The following GTPBP1 variants were observed in gnomAD, a reference collection of about 807,000 sequenced individuals.
GTPBP1 encodes the protein GTP binding protein 1, also known as GTP-binding protein 1.
In GTPBP1, 23 loss-of-function variants were observed where a neutral mutation model predicts 62.0. That is an observed-to-expected ratio of 0.37 (90% CI 0.27 to 0.53). The LOEUF (loss-of-function observed/expected upper bound fraction) is 0.53. Ranked by LOEUF, GTPBP1 falls within the 20% of genes least tolerant of loss-of-function variation. The probability of loss-of-function intolerance (pLI) is 0.89; values close to 1 mark genes in which losing one functional copy is unlikely to be tolerated. For missense variants in GTPBP1, 640 were observed against 917.3 expected (o/e 0.70, Z 3.90); for synonymous variants, 344 against 364.4 (o/e 0.94, Z 0.64).
rs1293752106 is a variant in GTPBP1 at position 38,726,615 on chromosome 22, C to T, written c.1401+175C>T. On this transcript the variant is annotated intron_variant, in intron 8 of 11. Coordinates refer to ENST00000216044, the MANE Select transcript of GTPBP1 (RefSeq NM_004286.5). This position sits in a 1 kb window ranked among gnomAD's most constrained non-coding sequence, Gnocchi z 4.1. ...AGAGCCCAGGGACTTGCCCAAGACACACAGCTTGTAAGTGCTAGAGCGAGG... is the reference window on the plus strand; with the variant it reads ...AGAGCCCAGGGACTTGCCCAAGACATACAGCTTGTAAGTGCTAGAGCGAGG... Among the ~76,000 whole-genome samples the T allele has an allele frequency of 2.0e-5, 3 of 152,208 alleles. No homozygotes were observed. Among genetic ancestry groups the T allele is most frequent in the African/African-American group, 4.8e-5 (2 of 41,450 alleles).
chr22:38,742,337 C>T, downstream of GTPBP1: 4 of 1,609,198 alleles, frequency 2.5e-6, no homozygotes, highest in Non-Finnish European at 3.4e-6. Flanking sequence ...GGAAATCCTC[C>T]TTCAGGGCAG....
At chr22:38,717,626 G>A (rs1163998251) in intron 4 of GTPBP1, among the ~76,000 whole-genome samples, 3 of 152,188 alleles carry the variant, frequency 2.0e-5, no homozygotes, top group Admixed American at 6.5e-5. Flanking sequence ...ATTCCTGCTC[G>A]GAACATTAAA....
intron 2 of GTPBP1, among the ~76,000 whole-genome samples, chr22:38,710,907 T>C (rs1272318863): frequency 1.3e-5 from 2 of 152,014 alleles, no homozygotes; most frequent in Non-Finnish European, 2.9e-5. Flanking sequence ...AACCCACCCA[T>C]GGCAAACCCA....
downstream of GTPBP1, chr22:38,740,736 G>A (rs1395882280): frequency 1.7e-6 from 1 of 588,304 alleles, no homozygotes; most frequent in Non-Finnish European, 3.0e-6. The surrounding 1 kb of genome is among the most constrained non-coding windows in gnomAD (Gnocchi z 4.8). Flanking sequence ...AGTTATGTGA[G>A]GCTGTAAGAA....
At chr22:38,737,853 T>C (rs1392982231), downstream of GTPBP1, 1 of 550,010 alleles carries the variant, frequency 1.8e-6, no homozygotes, top group Non-Finnish European at 3.6e-6. The surrounding 1 kb of genome is among the most constrained non-coding windows in gnomAD (Gnocchi z 4.1). Context: ...CGCCCTGGCA[T>C]GTGCTGGCGG....
Position 38,726,260 on chromosome 22 carries a change from T to C in GTPBP1, c.1221T>C (p.Gly407=). The stretch of plus-strand genomic sequence containing the variant: ...GGCCAGGGTCTTCTCCTTGGCAGGG[T>C]GTGGGGACAGTGGTTTCGGGGACAA... ...FQIDDTYSVP[G]VGTVVSGTTL... The change falls in exon 8 of 12, where the codon GGT becomes GGC. Residue 407 remains glycine (G), a splice_region_variant and synonymous_variant. Coordinates refer to ENST00000216044, the MANE Select transcript of GTPBP1 (RefSeq NM_004286.5). The surrounding 1 kb of genome is among the most constrained non-coding windows in gnomAD (Gnocchi z 4.1). 1.2e-6 allele frequency: 2 copies of C among 1,613,632 alleles called. No individual in the cohort carries two copies. Among genetic ancestry groups the C allele is most frequent in the African/African-American group, 2.7e-5 (2 of 74,876 alleles).
At position 38,730,072 on chromosome 22, in the gene GTPBP1, G is replaced by A. The variant is rs1031913027; in HGVS notation, c.1917+410G>A. Among the ~76,000 whole-genome samples the A allele has an allele frequency of 6.6e-6, 1 of 152,178 alleles. No individual in the cohort carries two copies. The highest frequency in any genetic ancestry group is 1.5e-5 in the Non-Finnish European group (1 of 68,032). On this transcript the variant is annotated intron_variant, in intron 11 of 11. Coordinates refer to ENST00000216044, the MANE Select transcript of GTPBP1 (RefSeq NM_004286.5). This position sits in a 1 kb window ranked among gnomAD's most constrained non-coding sequence, Gnocchi z 5.6. ...GGTCCTCCTCTGTCCCCTCCCTGAC[G>A]TGCACACATCCTGAAGGGGAGGTGG...
chr22:38,741,012 C>A, downstream of GTPBP1: 1 of 1,595,054 alleles, frequency 6.3e-7, no homozygotes, highest in South Asian at 1.1e-5. Flanking sequence ...AGTACCTTTG[C>A]CACTCTGACT....
At chr22:38,725,694 A>C in intron 6 of GTPBP1, 3 of 311,374 alleles carry the variant, frequency 9.6e-6, no homozygotes, top group Non-Finnish European at 6.0e-6. Context: ...ATTTTAAGCA[A>C]GCATGCGTGT....
At chr22:38,722,027 T>C (rs2092703243) in intron 5 of GTPBP1, among the ~76,000 whole-genome samples, 162 bp downstream of exon 5, 1 of 152,226 alleles carries the variant, frequency 6.6e-6, no homozygotes, top group South Asian at 2.1e-4. Flanking sequence ...GTGCTCTACA[T>C]TGAACACTTC....
At chr22:38,735,878 G>T (rs1200521027), downstream of GTPBP1, 1 of 189,420 alleles carries the variant, frequency 5.3e-6, no homozygotes. Context: ...AGCTCACCTA[G>T]CCCAGGCCGT....
In GTPBP1 at chr22:38,731,344, C is replaced by T. The variant is rs1027158321; in HGVS notation, c.*640C>T. 1.3e-5 allele frequency: 2 copies of T among 152,444 alleles called. No individual in the cohort carries two copies. Among genetic ancestry groups the T allele is most frequent in the African/African-American group, 2.4e-5 (1 of 41,436 alleles). 9.4% of individuals were successfully genotyped at this position (152,444 alleles called of 1,614,324 possible). A position where few individuals can be genotyped will look rare whatever the true frequency, so the allele number is the denominator to read the frequency against. ...GTAGTGGCTTCCCTTTTCTCTCTCT[C>T]CTCCTTTTTCCCTTTAAGCCCACAG... On this transcript the variant is annotated 3_prime_UTR_variant, in exon 12 of 12. Transcript: ENST00000216044.
downstream of GTPBP1, chr22:38,739,992 A>C (rs766627165): frequency 5.1e-6 from 8 of 1,575,972 alleles, no homozygotes; most frequent in East Asian, 1.8e-4. This position sits in a 1 kb window ranked among gnomAD's most constrained non-coding sequence, Gnocchi z 6.7. Context: ...CAGGGACAGC[A>C]GGAGCTGCTA....
At chr22:38,741,746 C>T (rs933820172), downstream of GTPBP1, among the ~76,000 whole-genome samples, 1 of 152,226 alleles carries the variant, frequency 6.6e-6, no homozygotes. Flanking sequence ...CACACCTCTG[C>T]GGTGTCAGGT....
At chr22:38,737,883 C>G (rs2092820136), downstream of GTPBP1, 1 of 620,500 alleles carries the variant, frequency 1.6e-6, no homozygotes, top group South Asian at 1.5e-5. The surrounding 1 kb of genome is among the most constrained non-coding windows in gnomAD (Gnocchi z 4.1). Context: ...GAACGCCTCT[C>G]CCGGCCTTCC....
rs1339596677 is a variant in GTPBP1, at chr22:38,732,739, C to T, written c.*2035C>T. The T allele has an allele frequency of 6.6e-6, 1 of 152,462 alleles. No individual in the cohort carries two copies. The highest frequency in any genetic ancestry group is 1.5e-5 in the Non-Finnish European group (1 of 68,226). 9.4% of individuals were successfully genotyped at this position (152,462 alleles called of 1,614,324 possible). On this transcript the variant is annotated 3_prime_UTR_variant, in exon 12 of 12. Coordinates refer to ENST00000216044, the MANE Select transcript of GTPBP1 (RefSeq NM_004286.5). The stretch of plus-strand genomic sequence containing the variant: ...TTGAGACGGAGTCTCGCTGTGTTGC[C>T]AGGCTGGAGTGCAGTGGTGTGATCT...
chr22:38,725,981 T>C, intron 6 of GTPBP1, 25 bp from the exon 7 acceptor site: 1 of 1,611,518 alleles, frequency 6.2e-7, no homozygotes, highest in South Asian at 1.1e-5. Context: ...TCTCCTTTTT[T>C]CCTTCCTCTT....
chr22:38,736,305 T>TG (rs2092804242), downstream of GTPBP1: 1 of 1,614,014 alleles, frequency 6.2e-7, no homozygotes. Context: ...AAGCGGTAGA[T>TG]GCAGGTGTAC....
At chr22:38,722,584 CCAT>C (rs1444555697) in intron 5 of GTPBP1, among the ~76,000 whole-genome samples, 13 of 152,106 alleles carry the variant, frequency 8.5e-5, no homozygotes. Context: ...TAGCAACTAA[CCAT>C]GTTTAAAAGG....
Sources: allele counts gnomAD v4.1 joint callset (sites outside exome capture counted in the v4.1 genomes callset), GRCh38; gene constraint gnomAD v4.1.1; non-coding constraint Gnocchi (gnomAD v3.1); transcripts MANE v1.5; gene names NCBI Gene and HGNC (gene_info 2026-07-23, HGNC 2026-07-21).